CLGN: variants seen among roughly 807,000 people sequenced by gnomAD.
CLGN encodes the protein calmegin.
CLGN carries 62 observed loss-of-function variants against 79.1 expected under a neutral mutation model. The ratio of observed to expected loss-of-function variants is 0.78; its 90% CI spans 0.64 to 0.97. The LOEUF (loss-of-function observed/expected upper bound fraction) is 0.97, where lower values mean the gene tolerates loss of function less well. Ranked by LOEUF, CLGN falls within the 50% of genes least tolerant of loss-of-function variation. The probability of loss-of-function intolerance (pLI) is 0.00; values close to 1 mark genes in which losing one functional copy is unlikely to be tolerated. For missense variants in CLGN, 647 were observed against 715.5 expected (o/e 0.90, Z 1.09); for synonymous variants, 225 against 224.7 (o/e 1.00, Z -0.01).
intron 1 of CLGN, among the ~76,000 whole-genome samples, chr4:140,414,182 C>T (rs979676167): frequency 5.9e-5 from 9 of 152,184 alleles, no homozygotes; most frequent in East Asian, 1.9e-4. Flanking sequence ...AGGACATCCA[C>T]GCCAGAAACC....
intron 4 of CLGN, among the ~76,000 whole-genome samples, 190 bp downstream of exon 4, chr4:140,409,647 G>C (rs1337100167): frequency 1.3e-5 from 2 of 152,006 alleles, no homozygotes; most frequent in Non-Finnish European, 2.9e-5. Flanking sequence ...ACTGGCTTAA[G>C]AGTGAGATTT....
intron 6 of CLGN, among the ~76,000 whole-genome samples, 154 bp downstream of exon 6, chr4:140,401,831 G>A (rs1279793746): frequency 1.3e-5 from 2 of 152,048 alleles, no homozygotes; most frequent in African/African-American, 4.8e-5. Context: ...AAACTTGAAG[G>A]CGAATTGTAA....
chr4:140,420,472 CAG>C (rs1187193332), intron 1 of CLGN, among the ~76,000 whole-genome samples: 5 of 151,754 alleles, frequency 3.3e-5, no homozygotes, highest in Non-Finnish European at 7.4e-5. Flanking sequence ...AAAACAAAAA[CAG>C]AGAGTTTTAA....
In CLGN at chr4:140,400,502, A is replaced by T. The variant is rs773794081; in HGVS notation, c.549T>A (p.Asp183Glu). Residue 183 changes from aspartate (D) to glutamate (E), a missense_variant, in exon 7 of 15, where the codon GAT becomes GAA. Transcript: ENST00000325617. The part of the protein sequence containing the change: ...KTSYIIMFGP[D>E]KCGEDYKLHF... The stretch of plus-strand genomic sequence containing the variant: ...GAAGTTTATAATCTTCTCCACATTT[A>T]TCTGGTCCAAACATAATGATATAGG... 21 of 1,605,676 alleles carry T rather than the reference A, an allele frequency of 1.3e-5. No individual in the cohort carries two copies. Among genetic ancestry groups the T allele is most frequent in the Non-Finnish European group, 1.6e-5 (19 of 1,173,060 alleles).
intron 2 of CLGN, 105 bp downstream of exon 2, chr4:140,412,830 G>T (rs2126629058): frequency 3.0e-6 from 3 of 1,012,322 alleles, no homozygotes; most frequent in South Asian, 2.0e-5. Context: ...TTTCTATCTA[G>T]CTCTAAAATG....
Position 140,421,299 on chromosome 4 carries a change from A to G in CLGN, c.-10+6238T>C, listed in dbSNP as rs1173737416. Among the ~76,000 whole-genome samples, 3 of 152,098 alleles carry G rather than the reference A, an allele frequency of 2.0e-5. No homozygotes were observed. In the East Asian group the frequency reaches 5.8e-4, roughly 29 times the overall value. On this transcript the variant is annotated intron_variant, in intron 1 of 14. Coordinates refer to ENST00000325617, the MANE Select transcript of CLGN (RefSeq NM_004362.3). ...ATAACTCTTCGAGACCTTGTTTTCAATTCTTTTGAGTATATACCCATAAGT... is the reference window on the plus strand; with the variant it reads ...ATAACTCTTCGAGACCTTGTTTTCAGTTCTTTTGAGTATATACCCATAAGT...
Position 140,413,044 on chromosome 4 carries a change from A to G in CLGN, c.35T>C (p.Leu12Pro). The stretch of plus-strand genomic sequence containing the variant: ...TTCTGCATTAATTGAGATGAACAGA[A>G]GACCCAAACATAGCCAAAAGGCTTG... The part of the protein sequence containing the change: ...HFQAFWLCLG[L>P]LFISINAEFM... Residue 12 changes from leucine (L) to proline (P), a missense_variant, in exon 2 of 15, where the codon CTT becomes CCT. By Grantham distance (98) the Leu-to-Pro change is moderately conservative. Coordinates refer to ENST00000325617, the MANE Select transcript of CLGN (RefSeq NM_004362.3). 1.2e-6 allele frequency: 2 copies of G among 1,613,224 alleles called. No individual in the cohort carries two copies. The highest frequency in any genetic ancestry group is 1.7e-6 in the Non-Finnish European group (2 of 1,179,566).
At chr4:140,394,098 G>A in intron 10 of CLGN, 57 bp from the exon 11 acceptor site, 11 of 1,219,084 alleles carry the variant, frequency 9.0e-6, no homozygotes, top group Non-Finnish European at 1.3e-5. Context: ...TATAAATGCT[G>A]CTTAATAAGT....
chr4:140,400,981 A>T (rs1728988608), intron 6 of CLGN, among the ~76,000 whole-genome samples: 1 of 152,142 alleles, frequency 6.6e-6, no homozygotes, highest in Admixed American at 6.6e-5. Flanking sequence ...TTCAGACATA[A>T]AAACAGACAC....
At position 140,419,713 on chromosome 4, in the gene CLGN, T is replaced by A. The variant is rs1486814874; in HGVS notation, c.-9-6626A>T. On this transcript the variant is annotated intron_variant, in intron 1 of 14. Transcript: ENST00000325617. ...TTCCTATAATTCCACAATTACATAA[T>A]TACTTATATATTTATGGACAAAGAC... 3.9e-5 allele frequency among the ~76,000 whole-genome samples: 6 copies of A among 152,276 alleles called. No homozygotes were observed. In the East Asian group the frequency reaches 7.7e-4, roughly 20 times the overall value.
At position 140,392,655 on chromosome 4, in the gene CLGN, C is replaced by G. The variant is rs755822028; in HGVS notation, c.1422G>C (p.Leu474Phe). 3.7e-6 allele frequency: 6 copies of G among 1,610,998 alleles called. No individual in the cohort carries two copies. The highest frequency in any genetic ancestry group is 1.7e-6 in the Non-Finnish European group (2 of 1,178,724). ...GCACTCCTGCTGTCACAAGATAAATCAACCAAAGCCATGGGTGCCCTTCAG... is the reference window on the plus strand; with the variant it reads ...GCACTCCTGCTGTCACAAGATAAATGAACCAAAGCCATGGGTGCCCTTCAG... The part of the protein sequence containing the change: ...AAAEGHPWLW[L>F]IYLVTAGVPI... The change falls in exon 12 of 15, where the codon TTG becomes TTC. Residue 474 changes from leucine to phenylalanine, a missense_variant. Leu to Phe is a conservative substitution (Grantham distance 22, BLOSUM62 0). Transcript: ENST00000325617.
chr4:140,406,325 G>A (rs1355880597), intron 4 of CLGN, among the ~76,000 whole-genome samples: 1 of 151,934 alleles, frequency 6.6e-6, no homozygotes, highest in Non-Finnish European at 1.5e-5. Context: ...ACACTATAGT[G>A]TCTAATTAAG....
intron 13 of CLGN, among the ~76,000 whole-genome samples, chr4:140,391,349 C>T (rs1002423411): frequency 4.6e-5 from 7 of 151,688 alleles, no homozygotes; most frequent in African/African-American, 7.2e-5. Context: ...CAGGCCCCTC[C>T]GATACTTAAA....
At chr4:140,420,664 C>T (rs1041672553) in intron 1 of CLGN, among the ~76,000 whole-genome samples, 3 of 151,994 alleles carry the variant, frequency 2.0e-5, no homozygotes, top group African/African-American at 7.2e-5. Flanking sequence ...TACTGAAGTT[C>T]ACAGTCTTGA....
intron 6 of CLGN, 84 bp downstream of exon 6, chr4:140,401,901 G>A (rs756568916): frequency 1.3e-6 from 1 of 741,678 alleles, no homozygotes; most frequent in Non-Finnish European, 2.2e-6. Flanking sequence ...TTCAGTTGAA[G>A]ACAAAATATT....
At chr4:140,425,429 G>GGTGTGTGGGTGTGTGT (rs1553946833) in intron 1 of CLGN, among the ~76,000 whole-genome samples, 110 of 116,948 alleles carry the variant, frequency 9.4e-4, no homozygotes, top group Non-Finnish European at 1.7e-3. Context: ...GAATCAATAG[G>GGTGTGTGGGTGTGTGT]GTGTGTGTGT....
chr4:140,399,099 T>C, intron 7 of CLGN, 59 bp from the exon 8 acceptor site: 1 of 1,406,298 alleles, frequency 7.1e-7, no homozygotes, highest in East Asian at 2.4e-5. Context: ...TTAAAGATAA[T>C]CTTCTAAATA....
Position 140,393,806 on chromosome 4 carries a change from G to A in CLGN, c.1365+20C>T. Reference sequence around the variant, plus strand: ...TATTATTCATAGTTATATCACTACTGCTATTGGTCAACACCATACCTTATT... The same window carrying A: ...TATTATTCATAGTTATATCACTACTACTATTGGTCAACACCATACCTTATT... On this transcript the variant is annotated intron_variant, in intron 11 of 14. Coordinates refer to ENST00000325617, the MANE Select transcript of CLGN (RefSeq NM_004362.3). The A allele has an allele frequency of 6.3e-7, 1 of 1,598,996 alleles. No individual in the cohort carries two copies. Among genetic ancestry groups the A allele is most frequent in the Non-Finnish European group, 8.6e-7 (1 of 1,167,314 alleles).
chr4:140,390,103 G>T (rs1208780993), intron 14 of CLGN, among the ~76,000 whole-genome samples: 1 of 151,622 alleles, frequency 6.6e-6, no homozygotes, highest in African/African-American at 2.4e-5. Context: ...ATTGTGCAAA[G>T]TTCCATTTTA....
Sources: allele counts gnomAD v4.1 joint callset (sites outside exome capture counted in the v4.1 genomes callset), GRCh38; gene constraint gnomAD v4.1.1; transcripts MANE v1.5; gene names NCBI Gene and HGNC (gene_info 2026-07-23, HGNC 2026-07-21).